XPNPEP1: variants seen among roughly 807,000 people sequenced by gnomAD.
XPNPEP1 encodes xaa-Pro aminopeptidase 1.
Under a neutral mutation model 92.4 loss-of-function variants are expected in XPNPEP1, and 39 were observed. That is an observed-to-expected ratio of 0.42 (90% confidence interval 0.33 to 0.55). XPNPEP1 has a LOEUF of 0.55. Ranked by LOEUF, XPNPEP1 falls within the 20% of genes least tolerant of loss-of-function variation. The pLI is 0.08. For missense variants in XPNPEP1, 654 were observed against 856.1 expected (o/e 0.76, Z 2.95); for synonymous variants, 307 against 299.4 (o/e 1.03, Z -0.26).
intron 8 of XPNPEP1, 93 bp from the exon 9 acceptor site, chr10:109,884,241 A>G (rs967696900): frequency 1.1e-5 from 13 of 1,222,380 alleles, no homozygotes; most frequent in African/African-American, 1.5e-5. Context: ...CTTGGAGTCC[A>G]GCTGCTGCGC....
At chr10:109,871,646 G>A in intron 17 of XPNPEP1, 146 bp downstream of exon 17, 1 of 873,184 alleles carries the variant, frequency 1.1e-6, no homozygotes, top group Non-Finnish European at 1.8e-6. Context: ...GGGTTATGGA[G>A]ACTCACCCCA....
chr10:109,877,654 T>A, intron 14 of XPNPEP1, 136 bp downstream of exon 14: 2 of 1,103,200 alleles, frequency 1.8e-6, no homozygotes, highest in Non-Finnish European at 2.7e-6. Context: ...AGAAGTCTTA[T>A]TTCCCTTCAT....
chr10:109,873,215 C>G, intron 16 of XPNPEP1, 152 bp downstream of exon 16: 1 of 833,136 alleles, frequency 1.2e-6, no homozygotes, highest in Non-Finnish European at 1.9e-6. Context: ...TTAAATGAAC[C>G]TCGTAAAGCA....
At chr10:109,911,396 C>A (rs1295574508) in intron 2 of XPNPEP1, among the ~76,000 whole-genome samples, 1 of 152,180 alleles carries the variant, frequency 6.6e-6, no homozygotes, top group Admixed American at 6.5e-5. Flanking sequence ...CAGGTACACA[C>A]CACCACATCC....
At chr10:109,904,811 G>A (rs1327896281) in intron 3 of XPNPEP1, among the ~76,000 whole-genome samples, 1 of 152,164 alleles carries the variant, frequency 6.6e-6, no homozygotes, top group African/African-American at 2.4e-5. Flanking sequence ...ACCATTGGTG[G>A]GAATGCAAAA....
intron 2 of XPNPEP1, among the ~76,000 whole-genome samples, chr10:109,912,010 T>C (rs1440663588): frequency 2.0e-5 from 3 of 152,156 alleles, no homozygotes; most frequent in Non-Finnish European, 4.4e-5. Flanking sequence ...AAAAACAAAC[T>C]GGATCTGTTC....
intron 3 of XPNPEP1, among the ~76,000 whole-genome samples, chr10:109,903,893 G>A (rs1464939603): frequency 6.7e-6 from 1 of 148,408 alleles, no homozygotes; most frequent in African/African-American, 2.5e-5. Flanking sequence ...TGCCTAGGCT[G>A]GAGTGCAGTG....
In XPNPEP1 at chr10:109,898,743, C is replaced by CTTTAT. The variant is rs1849116994; in HGVS notation, c.247-5673_247-5669dup. On this transcript the variant is annotated intron_variant, in intron 3 of 20. Coordinates refer to ENST00000502935, the MANE Select transcript of XPNPEP1 (RefSeq NM_020383.4). ...CAAACACCAGACTAAGAGGCTTGAACTTTATCCTGCAAGTTCTAGAGAGAC... is the reference window on the plus strand; with the variant it reads ...CAAACACCAGACTAAGAGGCTTGAACTTTATTTTATCCTGCAAGTTCTAGAGAGAC... Among the ~76,000 whole-genome samples the CTTTAT allele has an allele frequency of 2.6e-5, 4 of 152,338 alleles. No homozygotes were observed. The South Asian group carries it at 8.3e-4, about 32-fold the overall frequency.
chr10:109,904,685 C>T (rs982601861), intron 3 of XPNPEP1, among the ~76,000 whole-genome samples: 4 of 152,136 alleles, frequency 2.6e-5, no homozygotes, highest in Non-Finnish European at 4.4e-5. Flanking sequence ...TGAAAAGATA[C>T]TCAACATCAC....
At chr10:109,905,787 T>G (rs1564785666) in intron 3 of XPNPEP1, among the ~76,000 whole-genome samples, 1 of 152,238 alleles carries the variant, frequency 6.6e-6, no homozygotes, top group South Asian at 2.1e-4. Context: ...ATATATTTTT[T>G]GTAGAGCATC....
intron 1 of XPNPEP1, among the ~76,000 whole-genome samples, chr10:109,915,635 A>G (rs1016978108): frequency 6.6e-6 from 1 of 152,038 alleles, no homozygotes; most frequent in African/African-American, 2.4e-5. Context: ...TCTTCAATAG[A>G]GGCTATTTAT....
Position 109,884,126 on chromosome 10 carries a change from T to C in XPNPEP1, c.771A>G (p.Ser257=), listed in dbSNP as rs1186089971. The C allele has an allele frequency of 6.2e-7, 1 of 1,613,974 alleles. No homozygotes were observed. The highest frequency in any genetic ancestry group is 8.5e-7 in the Non-Finnish European group (1 of 1,179,926). The change falls in exon 9 of 21, where the codon TCA becomes TCG. Residue 257 remains serine (S), a synonymous_variant. Transcript: ENST00000502935. ...EIAWLFNLRG[S]DVEHNPVFFS... ...AAAATACTGGATTGTGCTCCACATCTGATCCTCGGAGATTAAATAGCCCTA... is the reference window on the plus strand; with the variant it reads ...AAAATACTGGATTGTGCTCCACATCCGATCCTCGGAGATTAAATAGCCCTA...
chr10:109,886,201 G>T, intron 8 of XPNPEP1, 45 bp downstream of exon 8: 1 of 1,585,528 alleles, frequency 6.3e-7, no homozygotes, highest in Non-Finnish European at 8.6e-7. Flanking sequence ...AGACCCAAAG[G>T]AGAGATCGGG....
At chr10:109,875,816 G>T (rs1400070972) in intron 14 of XPNPEP1, 1 of 450,448 alleles carries the variant, frequency 2.2e-6, no homozygotes, top group African/African-American at 2.0e-5. Flanking sequence ...CTGAGATAAA[G>T]AGCTCAACAA....
At chr10:109,868,544 G>T in intron 20 of XPNPEP1, 70 bp downstream of exon 20, 4 of 1,281,890 alleles carry the variant, frequency 3.1e-6, no homozygotes, top group Non-Finnish European at 4.5e-6. Context: ...TTAGAGGATG[G>T]ATTAGAACTA....
chr10:109,879,730 G>C (rs1298821462), intron 12 of XPNPEP1, among the ~76,000 whole-genome samples: 3 of 152,062 alleles, frequency 2.0e-5, no homozygotes, highest in Non-Finnish European at 4.4e-5. Context: ...ACATGATATT[G>C]TTTAATAACA....
At chr10:109,908,130 G>A (rs1849658484) in intron 2 of XPNPEP1, among the ~76,000 whole-genome samples, 1 of 152,158 alleles carries the variant, frequency 6.6e-6, no homozygotes, top group South Asian at 2.1e-4. Context: ...CAGAAATTTA[G>A]GTGTTTATCT....
At chr10:109,917,903 A>G (rs940694413) in intron 1 of XPNPEP1, among the ~76,000 whole-genome samples, 2 of 152,210 alleles carry the variant, frequency 1.3e-5, no homozygotes, top group African/African-American at 4.8e-5. Context: ...GTGAATATCC[A>G]CATGCAAAAG....
chr10:109,919,922 C>T (rs1850438944), intron 1 of XPNPEP1, among the ~76,000 whole-genome samples: 1 of 152,076 alleles, frequency 6.6e-6, no homozygotes. Flanking sequence ...GTCCCAGCTA[C>T]TCAGGAGGCT....
Sources: gnomAD v4.1 joint callset for allele counts (sites outside exome capture counted in the v4.1 genomes callset) on GRCh38, gnomAD v4.1.1 for gene constraint, MANE v1.5 for transcripts, NCBI Gene and HGNC (gene_info 2026-07-23, HGNC 2026-07-21) for gene names.